The following KLF16 variants were observed in gnomAD, a reference collection of about 807,000 sequenced individuals.
KLF16 encodes the protein KLF transcription factor 16.
A neutral mutation model predicts 6.1 loss-of-function variants in KLF16; 6 were observed. The observed-to-expected ratio is 0.98, with a 90% CI of 0.54 to 1.93. KLF16 has a LOEUF of 1.93. Ranked by LOEUF, KLF16 falls within the 30% of genes most tolerant of loss-of-function variation. The probability of loss-of-function intolerance (pLI) is 0.01; values close to 1 mark genes in which losing one functional copy is unlikely to be tolerated. For missense variants in KLF16, 355 were observed against 363.8 expected (o/e 0.98, Z 0.20); for synonymous variants, 211 against 176.5 (o/e 1.20, Z -1.55).
At chr19:1,865,405 G>A (rs920685870), upstream of KLF16, among the ~76,000 whole-genome samples, 3 of 152,230 alleles carry the variant, frequency 2.0e-5, no homozygotes, top group Non-Finnish European at 2.9e-5. Context: ...CTGGAACCCC[G>A]CATTGGCTTG....
At chr19:1,868,468 T>TA (rs2012222704), upstream of KLF16, among the ~76,000 whole-genome samples, 1 of 63,164 alleles carries the variant, frequency 1.6e-5, no homozygotes, top group African/African-American at 3.7e-5. Context: ...GGGCTTTTTT[T>TA]TTTTTTTTTT....
intron 1 of KLF16, among the ~76,000 whole-genome samples, chr19:1,862,441 G>A (rs1038960499): frequency 5.9e-5 from 9 of 152,050 alleles, no homozygotes; most frequent in Admixed American, 2.6e-4. Context: ...CCCCCGCCCA[G>A]ACTCAGGCCC....
chr19:1,855,589 C>G (rs2011933671), intron 1 of KLF16, among the ~76,000 whole-genome samples: 1 of 152,236 alleles, frequency 6.6e-6, no homozygotes, highest in South Asian at 2.1e-4. Flanking sequence ...CCTAACCAGC[C>G]GTCACCATCT....
At chr19:1,874,567 G>C in the KLF16 span, among the ~76,000 whole-genome samples, 1 of 151,528 alleles carries the variant, frequency 6.6e-6, no homozygotes, top group South Asian at 2.1e-4. Flanking sequence ...AGATATTCCT[G>C]AGATGACACA....
At chr19:1,867,951 T>TGC (rs1677444533), upstream of KLF16, among the ~76,000 whole-genome samples, 1 of 151,818 alleles carries the variant, frequency 6.6e-6, no homozygotes, top group African/African-American at 2.4e-5. Context: ...TGTGTGTGTG[T>TGC]GTGTGTGTGT....
the KLF16 span, chr19:1,874,772 AAAAAAC>A: frequency 3.0e-4 from 45 of 148,056 alleles, 1 homozygote; most frequent in African/African-American, 1.1e-3. Flanking sequence ...AAAAAAAAAA[AAAAAAC>A]ACTTCTACTA....
the KLF16 span, among the ~76,000 whole-genome samples, chr19:1,870,260 T>C: frequency 2.6e-5 from 4 of 151,814 alleles, no homozygotes; most frequent in Admixed American, 1.3e-4. Flanking sequence ...ATATGAAAAG[T>C]GGATGTGGGG....
rs1487102823 is a variant in KLF16 at position 1,863,507 on chromosome 19, G to T, written c.-10C>A. 2.0e-6 allele frequency: 2 copies of T among 992,448 alleles called. No homozygotes were observed. Among genetic ancestry groups the T allele is most frequent in the South Asian group, 4.3e-5 (1 of 23,060 alleles). 61.5% of individuals were successfully genotyped at this position (992,448 alleles called of 1,614,324 possible). On this transcript the variant is annotated 5_prime_UTR_variant, in exon 1 of 2. Transcript: ENST00000250916. The stretch of plus-strand genomic sequence containing the variant: ...CCACGGCCGCCGACATGCCGAGCAA[G>T]GGCGCGCGGCGCGGCGGGCGGAGCG...
chr19:1,857,015 TCGG>T lies in KLF16; in HGVS notation c.458-2258_458-2256del, dbSNP rs376550665. Among the ~76,000 whole-genome samples, 10,431 of 137,842 alleles carry T rather than the reference TCGG, an allele frequency of 0.076. 643 individuals are homozygous for T. The highest frequency in any genetic ancestry group is 0.17 in the African/African-American group (5,958 of 34,074). The allele number at this position is 137,842 out of a possible 152,430, so 90.4% of individuals were successfully genotyped here. A position where few individuals can be genotyped will look rare whatever the true frequency, so the allele number is the denominator to read the frequency against. On this transcript the variant is annotated intron_variant, in intron 1 of 1. Coordinates refer to ENST00000250916, the MANE Select transcript of KLF16 (RefSeq NM_031918.4). This position sits in a 1 kb window ranked among gnomAD's most constrained non-coding sequence, Gnocchi z 4.7. ...TGGGAACACAGCTGCCGCACGTAGC[TCGG>T]CGGCGGCGGCGGGGACATCCGCAGC...
chr19:1,856,593 C>T (rs2011954113), intron 1 of KLF16, among the ~76,000 whole-genome samples: 1 of 152,170 alleles, frequency 6.6e-6, no homozygotes, highest in African/African-American at 2.4e-5. Context: ...GCGGGTCCGC[C>T]CCAGCTGGGG....
the KLF16 span, among the ~76,000 whole-genome samples, chr19:1,868,911 A>G: frequency 2.0e-5 from 3 of 152,048 alleles, no homozygotes; most frequent in African/African-American, 7.2e-5. Flanking sequence ...CCAAAGTGCT[A>G]GGATTATAGG....
upstream of KLF16, among the ~76,000 whole-genome samples, chr19:1,867,959 T>TGTGTGTGTGC (rs897788770): frequency 1.4e-5 from 2 of 143,414 alleles, no homozygotes; most frequent in African/African-American, 5.0e-5. Context: ...TGTGTGTGTG[T>TGTGTGTGTGC]GTGCGTGCGC....
At chr19:1,876,393 TCCTC>T in the KLF16 span, among the ~76,000 whole-genome samples, 4 of 152,030 alleles carry the variant, frequency 2.6e-5, no homozygotes. Flanking sequence ...GGTTCCCGAG[TCCTC>T]CCGGTCCTAA....
At chr19:1,860,727 C>T (rs1430439228) in intron 1 of KLF16, among the ~76,000 whole-genome samples, 1 of 152,212 alleles carries the variant, frequency 6.6e-6, no homozygotes, top group Non-Finnish European at 1.5e-5. Flanking sequence ...CAGCCATTCC[C>T]TCCCTCCTCC....
At chr19:1,867,256 A>G (rs2012202488), upstream of KLF16, among the ~76,000 whole-genome samples, 1 of 152,198 alleles carries the variant, frequency 6.6e-6, no homozygotes, top group African/African-American at 2.4e-5. Flanking sequence ...TGGATACCCC[A>G]AGGTAGGTGA....
chr19:1,863,068 G>T lies in KLF16; in HGVS notation c.430C>A (p.Leu144Ile). 1.4e-6 allele frequency: 2 copies of T among 1,414,082 alleles called. No homozygotes were observed. Among genetic ancestry groups the T allele is most frequent in the East Asian group, 3.3e-5 (1 of 30,112 alleles). 87.6% of individuals were successfully genotyped at this position (1,414,082 alleles called of 1,614,324 possible). A position where few individuals can be genotyped will look rare whatever the true frequency, so the allele number is the denominator to read the frequency against. Reference protein sequence around the residue: ...CAKAYYKSSHLKSHLRTHTGE... With the variant: ...CAKAYYKSSHIKSHLRTHTGE... The stretch of plus-strand genomic sequence containing the variant: ...GTGTGCGTCCGCAGGTGCGACTTTA[G>T]GTGCGAGGACTTGTAGTAGGCTTTG... Residue 144 changes from leucine to isoleucine, a missense_variant, in exon 1 of 2, where the codon CTA (leucine) becomes ATA (isoleucine). Leu to Ile is a conservative substitution (Grantham distance 5). Coordinates refer to ENST00000250916, the MANE Select transcript of KLF16 (RefSeq NM_031918.4).
the KLF16 span, chr19:1,875,195 C>T: frequency 2.0e-5 from 3 of 152,200 alleles, no homozygotes; most frequent in South Asian, 6.2e-4. Flanking sequence ...AATAGTCCGA[C>T]TTGGGCAAAA....
upstream of KLF16, among the ~76,000 whole-genome samples, chr19:1,866,775 CAAAAAAAA>C (rs10672007): frequency 3.5e-5 from 3 of 86,824 alleles, no homozygotes; most frequent in East Asian, 1.0e-3. Flanking sequence ...GACCCTGTCT[CAAAAAAAA>C]AAAAAAAAAA....
chr19:1,872,915 C>T, the KLF16 span, among the ~76,000 whole-genome samples: 2 of 152,112 alleles, frequency 1.3e-5, no homozygotes, highest in Admixed American at 6.5e-5. Context: ...TGGGCGCCCA[C>T]TGGATGGACT....
Sources: allele counts gnomAD v4.1 joint callset (sites outside exome capture counted in the v4.1 genomes callset), GRCh38; gene constraint gnomAD v4.1.1; non-coding constraint Gnocchi (gnomAD v3.1); transcripts MANE v1.5; gene names NCBI Gene and HGNC (gene_info 2026-07-23, HGNC 2026-07-21).